WARS2: variants seen among roughly 807,000 people sequenced by gnomAD.
WARS2 encodes the protein tryptophan--tRNA ligase, mitochondrial.
Under a neutral mutation model 36.5 loss-of-function variants are expected in WARS2, and 28 were observed. The ratio of observed to expected loss-of-function variants is 0.77; its 90% CI spans 0.57 to 1.05. The LOEUF is 1.05. Among genes scored for constraint, WARS2 ranks in the 50% least tolerant of loss-of-function variants. The pLI is 0.00. For missense variants in WARS2, 435 were observed against 456.8 expected, an observed-to-expected ratio of 0.95 and a Z score of 0.44; for synonymous variants, 174 against 178.4, an observed-to-expected ratio of 0.98 and a Z score of 0.20.
intron 1 of WARS2, among the ~76,000 whole-genome samples, chr1:119,122,010 A>G (rs993688935): frequency 1.3e-5 from 2 of 152,212 alleles, no homozygotes; most frequent in African/African-American, 4.8e-5. Context: ...AGTGCCCAAA[A>G]GCAAATGCAA....
At chr1:119,086,662 T>C (rs1652693607) in intron 1 of WARS2, among the ~76,000 whole-genome samples, 1 of 152,114 alleles carries the variant, frequency 6.6e-6, no homozygotes. Flanking sequence ...TTTGTTGAAA[T>C]TGAAACTGTC....
At chr1:119,068,261 C>A (rs1296919029) in intron 2 of WARS2, among the ~76,000 whole-genome samples, 1 of 152,152 alleles carries the variant, frequency 6.6e-6, no homozygotes, top group Non-Finnish European at 1.5e-5. Flanking sequence ...ATAATGGAAG[C>A]ACTAGACTCT....
chr1:119,096,772 A>G (rs1653471629), intron 1 of WARS2, among the ~76,000 whole-genome samples: 1 of 152,204 alleles, frequency 6.6e-6, no homozygotes, highest in Non-Finnish European at 1.5e-5. Flanking sequence ...AATATGTACA[A>G]TTACAATGTT....
chr1:119,044,867 T>C (rs1648661023), intron 3 of WARS2, among the ~76,000 whole-genome samples: 1 of 152,162 alleles, frequency 6.6e-6, no homozygotes, highest in African/African-American at 2.4e-5. Context: ...ATTCAGACCA[T>C]ATCATTTAGG....
rs1647463893 is a variant in WARS2, at chr1:119,031,981, A to C, written c.*930T>G. On this transcript the variant is annotated 3_prime_UTR_variant, in exon 6 of 6. Transcript: ENST00000235521. ...CGTTCCAACACCCACCTTCAAAATC[A>C]GAATGTTTAGAGTCTAAAAAACGCT... 6.5e-6 allele frequency: 1 copy of C among 152,964 alleles called. No individual in the cohort carries two copies. Among genetic ancestry groups the C allele is most frequent in the African/African-American group, 2.4e-5 (1 of 41,472 alleles). 9.5% of individuals were successfully genotyped at this position (152,964 alleles called of 1,614,324 possible).
At chr1:119,123,496 A>T (rs1415824910) in intron 1 of WARS2, among the ~76,000 whole-genome samples, 4 of 152,200 alleles carry the variant, frequency 2.6e-5, no homozygotes, top group African/African-American at 4.8e-5. Flanking sequence ...CAGTGAAGAA[A>T]AGTAGTTGAT....
intron 2 of WARS2, among the ~76,000 whole-genome samples, chr1:119,074,969 T>TGG (rs1302112490): frequency 1.3e-5 from 2 of 151,914 alleles, no homozygotes; most frequent in African/African-American, 2.4e-5. Context: ...TAGAGAGAAA[T>TGG]GGCAGACACT....
chr1:119,082,820 C>A (rs970692611), intron 1 of WARS2, among the ~76,000 whole-genome samples: 3 of 152,148 alleles, frequency 2.0e-5, no homozygotes, highest in African/African-American at 7.2e-5. Context: ...GAAGGTGTGA[C>A]CCCCTCAAAA....
intron 1 of WARS2, among the ~76,000 whole-genome samples, chr1:119,129,042 A>G (rs890241238): frequency 1.3e-5 from 2 of 152,254 alleles, no homozygotes; most frequent in African/African-American, 4.8e-5. Flanking sequence ...AAGACACTTT[A>G]AAGATTTATG....
chr1:119,097,507 C>A (rs1319837245), intron 1 of WARS2, among the ~76,000 whole-genome samples: 2 of 152,194 alleles, frequency 1.3e-5, no homozygotes, highest in Non-Finnish European at 2.9e-5. Context: ...GAATCCCTTT[C>A]TTGACCTAAC....
chr1:119,098,618 TA>T (rs1324192576), intron 1 of WARS2, among the ~76,000 whole-genome samples: 1 of 152,110 alleles, frequency 6.6e-6, no homozygotes, highest in African/African-American at 2.4e-5. Flanking sequence ...TTGTTATTTT[TA>T]GTAGAGACGA....
chr1:119,077,131 C>A (rs1288399588), intron 1 of WARS2, among the ~76,000 whole-genome samples: 4 of 9,694 alleles, frequency 4.1e-4, no homozygotes, highest in African/African-American at 3.8e-4. Flanking sequence ...GAGCGAGACC[C>A]CGTCTCAAAA....
intron 4 of WARS2, 68 bp downstream of exon 4, chr1:119,042,196 T>A (rs185565273): frequency 6.8e-7 from 1 of 1,469,918 alleles, no homozygotes; most frequent in African/African-American, 1.4e-5. Context: ...CAAGTCTGTA[T>A]TGAATAGGTT....
chr1:119,053,408 A>C (rs74112284), intron 2 of WARS2, among the ~76,000 whole-genome samples: 3,148 of 152,298 alleles, frequency 0.021, 117 homozygotes, highest in African/African-American at 0.072. Flanking sequence ...AATAAAAATG[A>C]ATAACTGGGA....
At chr1:119,088,093 G>A (rs587732622) in intron 1 of WARS2, among the ~76,000 whole-genome samples, 1 of 152,294 alleles carries the variant, frequency 6.6e-6, no homozygotes, top group South Asian at 2.1e-4. Context: ...AAGTTTGAGC[G>A]AGGTTTTTGG....
intron 1 of WARS2, among the ~76,000 whole-genome samples, chr1:119,107,314 G>A (rs1654305467): frequency 6.6e-6 from 1 of 152,114 alleles, no homozygotes; most frequent in African/African-American, 2.4e-5. Flanking sequence ...TTGTAATGAA[G>A]TGCAGCTTAG....
At chr1:119,038,677 CTTCTTT>C (rs1648077339) in intron 4 of WARS2, among the ~76,000 whole-genome samples, 1 of 151,738 alleles carries the variant, frequency 6.6e-6, no homozygotes, top group African/African-American at 2.4e-5. Flanking sequence ...TGTTTTCAGT[CTTCTTT>C]TTGTTTTTAT....
intron 1 of WARS2, among the ~76,000 whole-genome samples, chr1:119,125,839 C>G (rs989391128): frequency 1.3e-5 from 2 of 152,172 alleles, no homozygotes; most frequent in African/African-American, 2.4e-5. Flanking sequence ...ACTACCCATC[C>G]AATACACTAG....
chr1:119,067,622 C>A (rs1007694761), intron 2 of WARS2, among the ~76,000 whole-genome samples: 2 of 152,110 alleles, frequency 1.3e-5, no homozygotes, highest in African/African-American at 4.8e-5. Flanking sequence ...AGGGTGGGAG[C>A]ATTGTATATA....
Sources: gnomAD v4.1 joint callset for allele counts (sites outside exome capture counted in the v4.1 genomes callset) on GRCh38, gnomAD v4.1.1 for gene constraint, MANE v1.5 for transcripts, NCBI Gene and HGNC (gene_info 2026-07-23, HGNC 2026-07-21) for gene names.